The following TRIO variants were observed in gnomAD, a reference collection of about 807,000 sequenced individuals.
TRIO encodes trio Rho guanine nucleotide exchange factor.
Under a neutral mutation model 351.9 loss-of-function variants are expected in TRIO, and 58 were observed. The observed-to-expected ratio is 0.16, with a 90% CI of 0.13 to 0.21. TRIO has a LOEUF of 0.21. Among genes scored for constraint, TRIO ranks in the 10% least tolerant of loss-of-function variants. The pLI is 1.00. For synonymous variants in TRIO, 1,758 were observed against 1,595.7 expected (o/e 1.10, Z -2.42); for missense variants, 3,201 against 4,027.8 (o/e 0.79, Z 5.56).
At chr5:14,484,987 G>C in intron 46 of TRIO, 82 bp from the exon 47 acceptor site, 1 of 1,371,884 alleles carries the variant, frequency 7.3e-7, no homozygotes, top group Non-Finnish European at 9.6e-7. Flanking sequence ...CATTTTCTTT[G>C]TCCATTCATC....
In TRIO at chr5:14,461,025, T is replaced by C; in HGVS notation, c.5210T>C (p.Leu1737Pro). Residue 1737 changes from leucine to proline, a missense_variant, in exon 35 of 57, where the codon CTC becomes CCC. This residue lies in a region of TRIO where 193 missense variants were observed against 218.8 expected (regional missense o/e 0.88). Transcript: ENST00000344204. ...CTCTCTTTCTCCCTGGCAGACTCGCTCTCCGTCTCCAGCAATGACGCCAGT... is the reference window on the plus strand; with the variant it reads ...CTCTCTTTCTCCCTGGCAGACTCGCCCTCCGTCTCCAGCAATGACGCCAGT... ...MEGIFNHKDSLSVSSNDASPP... is the reference protein window; with the variant it reads ...MEGIFNHKDSPSVSSNDASPP... The C allele has an allele frequency of 6.4e-7, 1 of 1,568,860 alleles. No individual in the cohort carries two copies. The highest frequency in any genetic ancestry group is 8.7e-7 in the Non-Finnish European group (1 of 1,154,990).
intron 1 of TRIO, among the ~76,000 whole-genome samples, chr5:14,188,249 G>A (rs756227331): frequency 6.6e-6 from 1 of 152,228 alleles, no homozygotes; most frequent in Non-Finnish European, 1.5e-5. Context: ...TATGATGCCA[G>A]CTAACTGTCC....
chr5:14,221,759 T>G (rs757250618), intron 1 of TRIO, among the ~76,000 whole-genome samples: 9 of 152,050 alleles, frequency 5.9e-5, no homozygotes, highest in Non-Finnish European at 1.2e-4. Context: ...AGAAAGTGGT[T>G]TTTTGAGATG....
At chr5:14,410,514 G>C (rs531101745) in intron 33 of TRIO, among the ~76,000 whole-genome samples, 1 of 152,308 alleles carries the variant, frequency 6.6e-6, no homozygotes, top group Non-Finnish European at 1.5e-5. Flanking sequence ...TCTGCCCTAC[G>C]TAGTTTAAGT....
chr5:14,162,706 G>A (rs998059328), intron 1 of TRIO, among the ~76,000 whole-genome samples: 1 of 152,228 alleles, frequency 6.6e-6, no homozygotes, highest in Non-Finnish European at 1.5e-5. Flanking sequence ...CTTTGCAAGT[G>A]CAGTTCTGTT....
At chr5:14,319,597 A>G (rs889597681) in intron 9 of TRIO, among the ~76,000 whole-genome samples, 1 of 152,242 alleles carries the variant, frequency 6.6e-6, no homozygotes, top group Non-Finnish European at 1.5e-5. Flanking sequence ...GGTTAGAGAC[A>G]CGACAGTGGT....
In TRIO at chr5:14,508,126, A is replaced by T; in HGVS notation, c.8998A>T (p.Thr3000Ser). 1 of 1,614,160 alleles carries T rather than the reference A, an allele frequency of 6.2e-7. No individual in the cohort carries two copies. Among genetic ancestry groups the T allele is most frequent in the Non-Finnish European group, 8.5e-7 (1 of 1,180,030 alleles). The part of the protein sequence containing the change: ...SPFLDDSVEE[T>S]CLNICRLDFS... ...CTTCCTGGATGACAGTGTGGAAGAG[A>T]CCTGCCTGAACATTTGCCGCTTAGA... Residue 3000 changes from threonine to serine, a missense_variant, in exon 57 of 57, where the codon ACC (threonine) becomes TCC (serine). Transcript: ENST00000344204.
rs924302956 is a variant in TRIO, at chr5:14,248,868, A to G, written c.158-21957A>G. Among the ~76,000 whole-genome samples, 8 of 152,192 alleles carry G rather than the reference A, an allele frequency of 5.3e-5. No individual in the cohort carries two copies. In the South Asian group the frequency reaches 1.7e-3, roughly 32 times the overall value. On this transcript the variant is annotated intron_variant, in intron 1 of 56. Coordinates refer to ENST00000344204, the MANE Select transcript of TRIO (RefSeq NM_007118.4). ...ATGGCTCCAAAGCTCTAAGGAGTGT[A>G]TTAACTTGGACGTGGTACTTCTGGG...
At chr5:14,216,038 A>G (rs1792196907) in intron 1 of TRIO, among the ~76,000 whole-genome samples, 1 of 152,192 alleles carries the variant, frequency 6.6e-6, no homozygotes, top group African/African-American at 2.4e-5. Context: ...AGAGGTAATC[A>G]TGGTATCTAC....
chr5:14,158,516 C>T lies in TRIO; in HGVS notation c.157+14634C>T, dbSNP rs1788249186. On this transcript the variant is annotated intron_variant, in intron 1 of 56. Transcript: ENST00000344204. ...AAACATTCTGAGGAAAGTTTTTGAG[C>T]TAATGGAGATGTTTTGGAATTAGAT... is the stretch of plus-strand genomic sequence containing the variant. 2.0e-5 allele frequency among the ~76,000 whole-genome samples: 3 copies of T among 151,878 alleles called. No individual in the cohort carries two copies. The South Asian group carries it at 6.2e-4, about 32-fold the overall frequency.
chr5:14,313,143 G>A (rs978230778), intron 8 of TRIO, among the ~76,000 whole-genome samples: 3 of 152,174 alleles, frequency 2.0e-5, no homozygotes, highest in Non-Finnish European at 2.9e-5. Context: ...GTGTTATCTC[G>A]CCCAGGGTCT....
chr5:14,374,043 G>A (rs772564075), intron 18 of TRIO, among the ~76,000 whole-genome samples, 186 bp from the exon 19 acceptor site: 1 of 152,190 alleles, frequency 6.6e-6, no homozygotes, highest in Non-Finnish European at 1.5e-5. Flanking sequence ...TCATCAGAGC[G>A]AGGGCTTCAG....
intron 6 of TRIO, among the ~76,000 whole-genome samples, chr5:14,294,011 A>T (rs910764190): frequency 2.3e-4 from 8 of 34,622 alleles, no homozygotes; most frequent in African/African-American, 1.3e-3. Context: ...CCCCATCTCT[A>T]AAAAAAAAAA....
Position 14,496,925 on chromosome 5 carries a change from G to T in TRIO, c.7927G>T (p.Glu2643Ter). 6.2e-7 allele frequency: 1 copy of T among 1,614,160 alleles called. No homozygotes were observed. Among genetic ancestry groups the T allele is most frequent in the Non-Finnish European group, 8.5e-7 (1 of 1,180,038 alleles). ...AGCACTCCGTTTAAGGAAAAAATCT[G>T]AGAAAAAAGATAAAGACGGCAAAAG... Reference protein sequence around the residue: ...HTALRLRKKSEKKDKDGKREG... With the variant: ...HTALRLRKKS The change falls in exon 50 of 57, where the codon GAG (glutamate) becomes TAG (stop). Residue 2643 changes from glutamate (E) to a stop codon, truncating the protein, a stop_gained. Transcript: ENST00000344204. LOFTEE classifies it high-confidence loss of function.
chr5:14,481,769 T>TC (rs1483994238), intron 45 of TRIO, 151 bp downstream of exon 45: 22 of 505,774 alleles, frequency 4.3e-5, no homozygotes, highest in African/African-American at 4.0e-4. Context: ...ATATTTTATT[T>TC]CCTTTTTTTT....
intron 1 of TRIO, among the ~76,000 whole-genome samples, chr5:14,144,327 T>A (rs1787358803): frequency 1.3e-5 from 2 of 151,942 alleles, no homozygotes; most frequent in Admixed American, 1.3e-4. Flanking sequence ...GGGAAATTGG[T>A]CTTTGATCTG....
rs1183394288 is a variant in TRIO at position 14,304,519 on chromosome 5, A to T, written c.1427A>T (p.Glu476Val). 2 of 1,614,062 alleles carry T rather than the reference A, an allele frequency of 1.2e-6. No individual in the cohort carries two copies. The highest frequency in any genetic ancestry group is 1.7e-5 in the Admixed American group (1 of 59,998). Reference protein sequence around the residue: ...KACGEVDLPSELQDLEDAIHH... With the variant: ...KACGEVDLPSVLQDLEDAIHH... ...TGCGGTGAGGTAGACCTTCCCTCAG[A>T]GCTGCAGGACCTAGAAGATGCCATT... Residue 476 changes from glutamate to valine, a missense_variant, in exon 8 of 57, where the codon GAG (glutamate) becomes GTG (valine). Glu to Val is a moderately radical substitution (Grantham distance 121). Transcript: ENST00000344204.
chr5:14,392,978 C>T (rs570220942), intron 27 of TRIO, among the ~76,000 whole-genome samples: 18 of 150,512 alleles, frequency 1.2e-4, no homozygotes, highest in East Asian at 2.0e-4. Flanking sequence ...ACCTGGGAGG[C>T]GGAGCTTGCA....
intron 34 of TRIO, among the ~76,000 whole-genome samples, chr5:14,443,790 T>C (rs1752240025): frequency 6.6e-6 from 1 of 152,210 alleles, no homozygotes; most frequent in African/African-American, 2.4e-5. Context: ...TGCTAAGCGA[T>C]TGTTAAGAAA....
Sources: allele counts gnomAD v4.1 joint callset (sites outside exome capture counted in the v4.1 genomes callset), GRCh38; gene constraint gnomAD v4.1.1; regional missense constraint gnomAD v4.1.1; transcripts MANE v1.5; gene names NCBI Gene and HGNC (gene_info 2026-07-23, HGNC 2026-07-21).